The following ELOVL6 variants were observed in gnomAD, a reference collection of about 807,000 sequenced individuals.
ELOVL6 encodes the protein ELOVL fatty acid elongase 6, also known as very long chain fatty acid elongase 6.
A neutral mutation model predicts 31.7 loss-of-function variants in ELOVL6; 8 were observed. The observed-to-expected ratio is 0.25, with a 90% CI of 0.15 to 0.45. ELOVL6 has a LOEUF of 0.45. Ranked by LOEUF, ELOVL6 falls within the 20% of genes least tolerant of loss-of-function variation. ELOVL6 has a pLI of 1.00. For missense variants in ELOVL6, 126 were observed against 326.4 expected, an observed-to-expected ratio of 0.39 and a Z score of 4.73; for synonymous variants, 101 against 117.7, an observed-to-expected ratio of 0.86 and a Z score of 0.92.
intron 2 of ELOVL6, among the ~76,000 whole-genome samples, chr4:110,084,383 A>T (rs1756119536): frequency 1.7e-5 from 2 of 117,512 alleles, no homozygotes; most frequent in African/African-American, 3.1e-5. Flanking sequence ...TATGATATAT[A>T]TCGCATATAT....
chr4:110,098,613 T>C (rs987382592), intron 2 of ELOVL6, among the ~76,000 whole-genome samples: 21 of 152,142 alleles, frequency 1.4e-4, no homozygotes, highest in Non-Finnish European at 2.8e-4. Context: ...GAGGTTTTCG[T>C]GCATATTTTA....
intron 1 of ELOVL6, among the ~76,000 whole-genome samples, chr4:110,181,478 A>G (rs1759273270): frequency 6.6e-6 from 1 of 152,094 alleles, no homozygotes; most frequent in Non-Finnish European, 1.5e-5. Flanking sequence ...TTAAAACTGT[A>G]TATGATTTTG....
intron 2 of ELOVL6, among the ~76,000 whole-genome samples, chr4:110,086,053 G>A (rs1756254923): frequency 6.6e-6 from 1 of 152,150 alleles, no homozygotes; most frequent in Admixed American, 6.5e-5. Flanking sequence ...TGATGCAAAT[G>A]ACCCACAGGT....
At chr4:110,084,209 A>AACATATAACTTATATGATATATATC (rs1756077008) in intron 2 of ELOVL6, among the ~76,000 whole-genome samples, 2 of 69,820 alleles carry the variant, frequency 2.9e-5, no homozygotes, top group African/African-American at 1.7e-4. Context: ...TGATATATAT[A>AACATATAACTTATATGATATATATC]ACATATAACT....
rs1299804619 is a variant in ELOVL6 at position 110,084,128 on chromosome 4, TGTGATA to T, written c.221+21363_221+21368del. On this transcript the variant is annotated intron_variant, in intron 2 of 3. Coordinates refer to ENST00000302274, the MANE Select transcript of ELOVL6 (RefSeq NM_024090.3). The stretch of plus-strand genomic sequence containing the variant: ...ATATATATGATATATATAACATATA[TGTGATA>T]ATGATATATATGATATATATAACAT... Among the ~76,000 whole-genome samples, 346 of 46,110 alleles carry T rather than the reference TGTGATA, an allele frequency of 7.5e-3. 18 individuals carry two copies. Among genetic ancestry groups the T allele is most frequent in the African/African-American group, 0.037 (192 of 5,208 alleles). The allele number at this position is 46,110 out of a possible 152,430, so 30.2% of individuals were successfully genotyped here.
At chr4:110,180,665 G>A (rs1329510546) in intron 1 of ELOVL6, among the ~76,000 whole-genome samples, 1 of 152,170 alleles carries the variant, frequency 6.6e-6, no homozygotes, top group Non-Finnish European at 1.5e-5. Context: ...CACGGCCTCA[G>A]CCTCCCAAAG....
At chr4:110,144,624 C>A (rs1758057184) in intron 1 of ELOVL6, among the ~76,000 whole-genome samples, 1 of 152,112 alleles carries the variant, frequency 6.6e-6, no homozygotes, top group Non-Finnish European at 1.5e-5. Context: ...TGGTACCTAA[C>A]CTGCAGAAAT....
intron 1 of ELOVL6, among the ~76,000 whole-genome samples, chr4:110,173,118 G>T (rs993201182): frequency 6.6e-6 from 1 of 152,142 alleles, no homozygotes; most frequent in Non-Finnish European, 1.5e-5. Flanking sequence ...GACTTGATCT[G>T]CCTATCTGTG....
intron 2 of ELOVL6, among the ~76,000 whole-genome samples, chr4:110,065,376 T>C (rs899842202): frequency 1.9e-4 from 29 of 152,170 alleles, no homozygotes; most frequent in African/African-American, 6.8e-4. Flanking sequence ...GCTGTAATCC[T>C]AGCACTTTGG....
chr4:110,135,946 G>A (rs1757797552), intron 1 of ELOVL6, among the ~76,000 whole-genome samples: 2 of 152,226 alleles, frequency 1.3e-5, no homozygotes, highest in African/African-American at 4.8e-5. Flanking sequence ...TGTTGAGTGT[G>A]TGTGAGTCTA....
At chr4:110,072,928 T>G (rs1384139363) in intron 2 of ELOVL6, among the ~76,000 whole-genome samples, 2 of 152,186 alleles carry the variant, frequency 1.3e-5, no homozygotes, top group East Asian at 1.9e-4. Flanking sequence ...GGCCCCAATT[T>G]AATCACGAAA....
At chr4:110,116,675 C>T (rs1432220681) in intron 1 of ELOVL6, among the ~76,000 whole-genome samples, 2 of 152,210 alleles carry the variant, frequency 1.3e-5, no homozygotes, top group Non-Finnish European at 2.9e-5. Flanking sequence ...TGGTTTGTAA[C>T]CATTCTCTTA....
Position 110,149,913 on chromosome 4 carries a change from G to A in ELOVL6, c.90-44285C>T, listed in dbSNP as rs559188185. On this transcript the variant is annotated intron_variant, in intron 1 of 3. Transcript: ENST00000302274. ...CTGTATCCTATAGATTTTTGAGAGCGTAAATAAATGCCTTCTTAAATCTTG... is the reference window on the plus strand; with the variant it reads ...CTGTATCCTATAGATTTTTGAGAGCATAAATAAATGCCTTCTTAAATCTTG... Among the ~76,000 whole-genome samples, 7 of 152,244 alleles carry A rather than the reference G, an allele frequency of 4.6e-5. No homozygotes were observed. In the South Asian group the frequency reaches 6.2e-4, roughly 14 times the overall value.
intron 2 of ELOVL6, among the ~76,000 whole-genome samples, chr4:110,067,388 T>C (rs1327229107): frequency 6.6e-6 from 1 of 152,236 alleles, no homozygotes; most frequent in East Asian, 1.9e-4. Context: ...GTAATTCCAC[T>C]GTTGGAACAT....
intron 2 of ELOVL6, among the ~76,000 whole-genome samples, chr4:110,084,129 G>GATATATATAACATATATA (rs1560814134): frequency 2.5e-5 from 1 of 40,382 alleles, no homozygotes. Flanking sequence ...TAACATATAT[G>GATATATATAACATATATA]TGATAATGAT....
intron 1 of ELOVL6, among the ~76,000 whole-genome samples, chr4:110,107,959 C>G (rs1307857497): frequency 2.0e-5 from 3 of 152,034 alleles, no homozygotes; most frequent in Admixed American, 6.6e-5. Flanking sequence ...TTTTCCTGTT[C>G]TTGTGGTAAA....
chr4:110,121,905 AG>A (rs1757368858), intron 1 of ELOVL6, among the ~76,000 whole-genome samples: 1 of 152,140 alleles, frequency 6.6e-6, no homozygotes, highest in Non-Finnish European at 1.5e-5. Context: ...CTGTAAGAAA[AG>A]GTCTCCAGAC....
At chr4:110,114,764 C>G (rs1757129867) in intron 1 of ELOVL6, among the ~76,000 whole-genome samples, 1 of 152,164 alleles carries the variant, frequency 6.6e-6, no homozygotes, top group South Asian at 2.1e-4. Flanking sequence ...AGTGAAAAAA[C>G]ACTGTCAAAA....
Position 110,079,897 on chromosome 4 carries a change from G to A in ELOVL6, c.222-20143C>T, listed in dbSNP as rs546725459. On this transcript the variant is annotated intron_variant, in intron 2 of 3. Coordinates refer to ENST00000302274, the MANE Select transcript of ELOVL6 (RefSeq NM_024090.3). ...GAATCAAATAGATGCAATAAAAAAT[G>A]ATAAAGGGGATATCACCACCGATCC... Among the ~76,000 whole-genome samples the A allele has an allele frequency of 2.0e-4, 30 of 152,192 alleles. No homozygotes were observed. The South Asian group carries it at 6.0e-3, about 31-fold the overall frequency.
Sources: allele counts gnomAD v4.1 joint callset (sites outside exome capture counted in the v4.1 genomes callset), GRCh38; gene constraint gnomAD v4.1.1; transcripts MANE v1.5; gene names NCBI Gene and HGNC (gene_info 2026-07-23, HGNC 2026-07-21).